Variants in ACOXL observed in about 807,000 individuals in gnomAD.
The protein encoded by ACOXL is acyl-coenzyme A oxidase-like protein.
A neutral mutation model predicts 71.9 loss-of-function variants in ACOXL; 70 were observed. That is an observed-to-expected ratio of 0.97 (90% CI 0.80 to 1.19). The LOEUF (loss-of-function observed/expected upper bound fraction) is 1.19. Among genes scored for constraint, ACOXL ranks in the 50% most tolerant of loss-of-function variants. The probability of loss-of-function intolerance (pLI) is 0.00; values close to 1 mark genes in which losing one functional copy is unlikely to be tolerated. For missense variants in ACOXL, 703 were observed against 736.3 expected (o/e 0.95, Z 0.52); for synonymous variants, 253 against 281.6 (o/e 0.90, Z 1.02).
chr2:110,788,983 G>A (rs1684326446), intron 3 of ACOXL, among the ~76,000 whole-genome samples: 2 of 152,204 alleles, frequency 1.3e-5, no homozygotes, highest in Admixed American at 6.5e-5. Flanking sequence ...AGGAAGGGAC[G>A]TCAGCATCAA....
intron 2 of ACOXL, among the ~76,000 whole-genome samples, chr2:110,780,516 A>G (rs966929893): frequency 6.6e-6 from 1 of 152,234 alleles, no homozygotes; most frequent in Non-Finnish European, 1.5e-5. Context: ...CTTTGTTCAT[A>G]AGAGCCTGAA....
intron 11 of ACOXL, 61 bp downstream of exon 11, chr2:110,908,966 A>G (rs1013722013): frequency 5.7e-6 from 7 of 1,233,408 alleles, no homozygotes; most frequent in Non-Finnish European, 6.9e-6. Flanking sequence ...CATGAGTAAG[A>G]ATTCAGAGCA....
chr2:110,927,389 G>A (rs1488407780), intron 11 of ACOXL, among the ~76,000 whole-genome samples: 1 of 152,180 alleles, frequency 6.6e-6, no homozygotes, highest in Non-Finnish European at 1.5e-5. Context: ...CCTTCCACCT[G>A]CTGGGCCTTC....
At chr2:110,943,123 G>A (rs1402769847) in intron 12 of ACOXL, among the ~76,000 whole-genome samples, 13 of 133,392 alleles carry the variant, frequency 9.7e-5, no homozygotes, top group Non-Finnish European at 1.1e-4. Flanking sequence ...AGGAAGGAAA[G>A]GAAGAAGGAA....
At chr2:111,024,858 A>G (rs1279952381) in intron 14 of ACOXL, among the ~76,000 whole-genome samples, 2 of 150,740 alleles carry the variant, frequency 1.3e-5, no homozygotes, top group Non-Finnish European at 3.0e-5. Flanking sequence ...TTTAAAAAAA[A>G]AGAAATCCAT....
chr2:111,049,092 A>G (rs953800332), intron 15 of ACOXL, 126 bp from the exon 16 acceptor site: 9 of 765,116 alleles, frequency 1.2e-5, no homozygotes, highest in Non-Finnish European at 2.0e-5. Flanking sequence ...GAGCTCTGCC[A>G]TGTCACCAAG....
intron 12 of ACOXL, among the ~76,000 whole-genome samples, chr2:110,954,274 G>A (rs776647099): frequency 6.6e-6 from 1 of 152,024 alleles, no homozygotes; most frequent in Non-Finnish European, 1.5e-5. Context: ...AACAACATTT[G>A]CCTATTTTTA....
chr2:111,069,507 C>A (rs1205550271), intron 16 of ACOXL, among the ~76,000 whole-genome samples: 1 of 152,156 alleles, frequency 6.6e-6, no homozygotes, highest in East Asian at 1.9e-4. Flanking sequence ...CCCTAACAGC[C>A]TCATTTTTAC....
At position 110,865,339 on chromosome 2, in the gene ACOXL, G is replaced by A. The variant is rs142604395; in HGVS notation, c.788+23934G>A. Among the ~76,000 whole-genome samples the A allele has an allele frequency of 9.1e-3, 1,382 of 152,294 alleles. 11 individuals carry two copies. Among genetic ancestry groups the A allele is most frequent in the Middle Eastern group, 0.058 (17 of 294 alleles). On this transcript the variant is annotated intron_variant, in intron 10 of 17. Coordinates refer to ENST00000439055, the MANE Select transcript of ACOXL (RefSeq NM_001142807.4). ...GGTTGGGCTGGAGCCAGCCCTGAGA[G>A]CTGCCTCCTCAGATCTGCCTCTCAA...
chr2:110,900,759 G>C (rs1178773891), intron 10 of ACOXL, among the ~76,000 whole-genome samples: 1 of 152,200 alleles, frequency 6.6e-6, no homozygotes, highest in African/African-American at 2.4e-5. Flanking sequence ...GAACCATAGC[G>C]TGATGGGTTA....
chr2:110,777,790 G>T (rs916436399), intron 2 of ACOXL, among the ~76,000 whole-genome samples: 11 of 152,208 alleles, frequency 7.2e-5, no homozygotes, highest in Non-Finnish European at 1.5e-4. Context: ...GACCTCCTGT[G>T]TGTATGTGGG....
intron 9 of ACOXL, among the ~76,000 whole-genome samples, chr2:110,806,967 G>T (rs1686725142): frequency 6.6e-6 from 1 of 152,120 alleles, no homozygotes; most frequent in Non-Finnish European, 1.5e-5. Flanking sequence ...TCTGGAGCGG[G>T]GTGGGGGTGG....
intron 16 of ACOXL, among the ~76,000 whole-genome samples, chr2:111,060,027 G>C (rs1159509558): frequency 1.3e-5 from 2 of 152,158 alleles, no homozygotes; most frequent in East Asian, 3.8e-4. Context: ...ACCCATGCCA[G>C]GAAAGGCCCA....
chr2:110,936,904 A>G (rs1259643050), intron 12 of ACOXL, among the ~76,000 whole-genome samples: 3 of 150,652 alleles, frequency 2.0e-5, no homozygotes, highest in Non-Finnish European at 4.4e-5. Context: ...CTGGAGTGCA[A>G]TGGTGCAATC....
At chr2:110,806,621 G>A (rs1686675691) in intron 9 of ACOXL, among the ~76,000 whole-genome samples, 2 of 152,264 alleles carry the variant, frequency 1.3e-5, no homozygotes, top group African/African-American at 4.8e-5. Context: ...ATCGGATGCA[G>A]GGTTAGCTGA....
At chr2:110,908,314 T>G (rs1053142614) in intron 10 of ACOXL, among the ~76,000 whole-genome samples, 9 of 151,856 alleles carry the variant, frequency 5.9e-5, no homozygotes, top group Middle Eastern at 3.4e-3. Context: ...TGCAGGGGGG[T>G]TTAGGTGGGC....
rs57092184 is a variant in ACOXL at position 110,963,565 on chromosome 2, ATGTGTGTGTG to A, written c.1060-23513_1060-23504del. 1.5e-3 allele frequency: 2,234 copies of A among 1,452,572 alleles called. 14 individuals carry two copies. The African/African-American group carries it at 0.023, about 15-fold the overall frequency. 90.0% of individuals were successfully genotyped at this position (1,452,572 alleles called of 1,614,324 possible). On this transcript the variant is annotated intron_variant, in intron 12 of 17. Transcript: ENST00000439055. ...GTAGTGATGGGATCGCAAATTTGAAATGTGTGTGTGTGTGTGTGTGTGTGTGTGTGTGTGT... is the reference window on the plus strand; with the variant it reads ...GTAGTGATGGGATCGCAAATTTGAAATGTGTGTGTGTGTGTGTGTGTGTGT...
At chr2:110,945,588 A>C (rs768078306) in intron 12 of ACOXL, among the ~76,000 whole-genome samples, 16 of 152,190 alleles carry the variant, frequency 1.1e-4, no homozygotes, top group Non-Finnish European at 2.2e-4. Flanking sequence ...AGCAGCATTT[A>C]TCGAATAGAC....
intron 12 of ACOXL, among the ~76,000 whole-genome samples, chr2:110,950,685 A>G (rs922825289): frequency 6.6e-6 from 1 of 152,150 alleles, no homozygotes; most frequent in Non-Finnish European, 1.5e-5. Flanking sequence ...TTACAAGTTG[A>G]CTTCTGAATT....
Sources: allele counts gnomAD v4.1 joint callset (sites outside exome capture counted in the v4.1 genomes callset), GRCh38; gene constraint gnomAD v4.1.1; transcripts MANE v1.5; gene names NCBI Gene and HGNC (gene_info 2026-07-23, HGNC 2026-07-21).